The following KLHL12 variants were observed in gnomAD, a reference collection of about 807,000 sequenced individuals.
The protein encoded by KLHL12 is kelch-like protein 12.
KLHL12 carries 17 observed loss-of-function variants against 60.8 expected under a neutral mutation model. The observed-to-expected ratio is 0.28, with a 90% CI of 0.19 to 0.42. The LOEUF (loss-of-function observed/expected upper bound fraction) is 0.42, where lower values mean the gene tolerates loss of function less well. Among genes scored for constraint, KLHL12 ranks in the 10% least tolerant of loss-of-function variants. The pLI, the probability that KLHL12 is intolerant of heterozygous loss-of-function variation, is 1.00. For synonymous variants in KLHL12, 220 were observed against 250.9 expected, an observed-to-expected ratio of 0.88 and a Z score of 1.16; for missense variants, 468 against 722.3, an observed-to-expected ratio of 0.65 and a Z score of 4.04.
upstream of KLHL12, among the ~76,000 whole-genome samples, chr1:202,927,679 A>G: frequency 6.9e-6 from 1 of 144,716 alleles, no homozygotes; most frequent in South Asian, 2.1e-4. Flanking sequence ...CCCTGTAAAA[A>G]AAAAAAAAAA....
chr1:202,902,869 T>G (rs1278637571), intron 6 of KLHL12, among the ~76,000 whole-genome samples: 1 of 151,970 alleles, frequency 6.6e-6, no homozygotes, highest in Non-Finnish European at 1.5e-5. Flanking sequence ...TGCACACCTG[T>G]AGTCCCAAGT....
In KLHL12 at chr1:202,909,192, A is replaced by G. The variant is rs950479437; in HGVS notation, c.718-68T>C. On this transcript the variant is annotated intron_variant, in intron 5 of 11. Coordinates refer to ENST00000367261, the MANE Select transcript of KLHL12 (RefSeq NM_021633.4). This position sits in a 1 kb window ranked among gnomAD's most constrained non-coding sequence, Gnocchi z 4.1. ...GTAATACTATAAGAGTACAAAGAGCACATGCAAATAATTAACTTCTGACTA... is the reference window on the plus strand; with the variant it reads ...GTAATACTATAAGAGTACAAAGAGCGCATGCAAATAATTAACTTCTGACTA... The G allele has an allele frequency of 3.4e-5, 33 of 966,132 alleles. No individual in the cohort carries two copies. The highest frequency in any genetic ancestry group is 4.8e-5 in the Non-Finnish European group (30 of 620,220). The allele number at this position is 966,132 out of a possible 1,614,324, so 59.8% of individuals were successfully genotyped here.
At chr1:202,920,890 C>T (rs888053256) in intron 2 of KLHL12, among the ~76,000 whole-genome samples, 4 of 152,104 alleles carry the variant, frequency 2.6e-5, no homozygotes, top group Admixed American at 1.3e-4. Flanking sequence ...AACACTGGTC[C>T]GTGAACTTTT....
intron 1 of KLHL12, among the ~76,000 whole-genome samples, 180 bp downstream of exon 1, chr1:202,926,909 G>A (rs530774625): frequency 1.3e-3 from 195 of 152,332 alleles, no homozygotes; most frequent in Non-Finnish European, 2.3e-3. Flanking sequence ...GGCAGTTCAG[G>A]GGGAGAGTTG....
At chr1:202,918,876 C>T (rs1261721540) in intron 3 of KLHL12, among the ~76,000 whole-genome samples, 1 of 152,178 alleles carries the variant, frequency 6.6e-6, no homozygotes, top group Admixed American at 6.5e-5. Flanking sequence ...AAGCTTCACA[C>T]TGTTTAAATC....
chr1:202,926,457 C>T (rs1421038830), intron 1 of KLHL12, among the ~76,000 whole-genome samples: 1 of 152,204 alleles, frequency 6.6e-6, no homozygotes, highest in Non-Finnish European at 1.5e-5. Flanking sequence ...TCCAACAACT[C>T]TGCAAGACCC....
chr1:202,915,246 A>G (rs778003702), intron 4 of KLHL12, among the ~76,000 whole-genome samples: 3 of 152,190 alleles, frequency 2.0e-5, no homozygotes, highest in Admixed American at 6.5e-5. Flanking sequence ...CATGCCACCC[A>G]GCCAAGACTA....
chr1:202,896,594 G>A (rs1309443492), intron 7 of KLHL12, among the ~76,000 whole-genome samples: 2 of 152,188 alleles, frequency 1.3e-5, no homozygotes, highest in Admixed American at 6.5e-5. Flanking sequence ...GAATTATACA[G>A]ACAGCTTAGA....
intron 6 of KLHL12, among the ~76,000 whole-genome samples, chr1:202,905,738 T>TTA (rs1184834122): frequency 6.6e-6 from 1 of 152,176 alleles, no homozygotes; most frequent in African/African-American, 2.4e-5. Context: ...CCTTTGAGCA[T>TTA]TATGTTGGCA....
At chr1:202,905,686 T>G (rs116279845) in intron 6 of KLHL12, among the ~76,000 whole-genome samples, 1 of 152,354 alleles carries the variant, frequency 6.6e-6, no homozygotes, top group African/African-American at 2.4e-5. Flanking sequence ...TGCGCATCCC[T>G]AATTCAGAAA....
intron 1 of KLHL12, among the ~76,000 whole-genome samples, chr1:202,926,168 C>A (rs1653543707): frequency 6.7e-6 from 1 of 150,312 alleles, no homozygotes; most frequent in Non-Finnish European, 1.5e-5. Flanking sequence ...ATAATGGAAA[C>A]CACGCAAGTT....
intron 3 of KLHL12, 67 bp from the exon 4 acceptor site, chr1:202,918,455 G>T (rs917733003): frequency 1.7e-6 from 2 of 1,201,538 alleles, no homozygotes; most frequent in Non-Finnish European, 2.5e-6. Context: ...ATATATTCTT[G>T]TATCTCAGCA....
chr1:202,896,101 C>G (rs554028126), intron 7 of KLHL12, among the ~76,000 whole-genome samples: 1 of 152,250 alleles, frequency 6.6e-6, no homozygotes, highest in East Asian at 1.9e-4. Context: ...TTATAAGAAC[C>G]TTAAAAGGTA....
At chr1:202,923,520 A>C (rs1303507559) in intron 2 of KLHL12, among the ~76,000 whole-genome samples, 1 of 152,232 alleles carries the variant, frequency 6.6e-6, no homozygotes, top group Non-Finnish European at 1.5e-5. Flanking sequence ...TAACTATACC[A>C]GTTTTAAAAT....
chr1:202,905,843 C>T (rs372676266), intron 6 of KLHL12, among the ~76,000 whole-genome samples: 1 of 151,606 alleles, frequency 6.6e-6, no homozygotes, highest in African/African-American at 2.4e-5. Context: ...CTCACTCTGT[C>T]GCCCAGGCTG....
chr1:202,916,287 G>C (rs1660517876), intron 4 of KLHL12, among the ~76,000 whole-genome samples: 1 of 152,210 alleles, frequency 6.6e-6, no homozygotes, highest in Non-Finnish European at 1.5e-5. Flanking sequence ...TGACCAATGT[G>C]CTCTAATCCA....
Position 202,909,116 on chromosome 1 carries a change from G to A in KLHL12, c.726C>T (p.Ile242=). Residue 242 remains isoleucine (I), a synonymous_variant, in exon 6 of 12, where the codon ATC becomes ATT. Coordinates refer to ENST00000367261, the MANE Select transcript of KLHL12 (RefSeq NM_021633.4). This position sits in a 1 kb window ranked among gnomAD's most constrained non-coding sequence, Gnocchi z 4.1. Reference sequence around the variant, plus strand: ...GATCCCTGCATTGTAAACTACAGCGGATGAAAGGCTGAAATATAGCAGACA... The same window carrying A: ...GATCCCTGCATTGTAAACTACAGCGAATGAAAGGCTGAAATATAGCAGACA... ...ITDVIDAEPF[I]RCSLQCRDLV... 1 of 1,611,320 alleles carries A rather than the reference G, an allele frequency of 6.2e-7. No homozygotes were observed. The highest frequency in any genetic ancestry group is 8.5e-7 in the Non-Finnish European group (1 of 1,177,622).
intron 6 of KLHL12, among the ~76,000 whole-genome samples, chr1:202,901,787 G>C (rs749876703): frequency 6.6e-6 from 1 of 152,148 alleles, no homozygotes; most frequent in Non-Finnish European, 1.5e-5. Flanking sequence ...ATAACTATGA[G>C]AGCAACAGTG....
intron 4 of KLHL12, 140 bp downstream of exon 4, chr1:202,918,031 G>A (rs868415294): frequency 1.5e-6 from 1 of 672,846 alleles, no homozygotes; most frequent in Middle Eastern, 2.5e-4. Context: ...AATAAATTTG[G>A]TACAGGAGGG....
Sources: allele counts gnomAD v4.1 joint callset (sites outside exome capture counted in the v4.1 genomes callset), GRCh38; gene constraint gnomAD v4.1.1; non-coding constraint Gnocchi (gnomAD v3.1); transcripts MANE v1.5; gene names NCBI Gene and HGNC (gene_info 2026-07-23, HGNC 2026-07-21).